Variants in PLA2G6 observed in about 807,000 individuals in gnomAD.
The protein encoded by PLA2G6 is phospholipase A2 group VI.
Under a neutral mutation model 83.8 loss-of-function variants are expected in PLA2G6, and 62 were observed. That is an observed-to-expected ratio of 0.74 (90% CI 0.60 to 0.91). PLA2G6 has a LOEUF of 0.91. Ranked by LOEUF, PLA2G6 falls within the 40% of genes least tolerant of loss-of-function variation. The pLI is 0.00. For missense variants in PLA2G6, 944 were observed against 1,102.0 expected, an observed-to-expected ratio of 0.86 and a Z score of 2.03; for synonymous variants, 417 against 449.8, an observed-to-expected ratio of 0.93 and a Z score of 0.92.
intron 6 of PLA2G6, 43 bp from the exon 7 acceptor site, chr22:38,133,056 A>T: frequency 6.6e-7 from 1 of 1,526,312 alleles, no homozygotes; most frequent in Non-Finnish European, 8.8e-7. Flanking sequence ...GCACTCGGGG[A>T]GCTGCCGCAC....
In PLA2G6 at chr22:38,128,129, G is replaced by T; in HGVS notation, c.1348+140C>A. The T allele has an allele frequency of 1.2e-6, 1 of 856,328 alleles. No individual in the cohort carries two copies. The highest frequency in any genetic ancestry group is 2.0e-5 in the Admixed American group (1 of 49,014). 53.0% of individuals were successfully genotyped at this position (856,328 alleles called of 1,614,324 possible). A position where few individuals can be genotyped will look rare whatever the true frequency, so the allele number is the denominator to read the frequency against. On this transcript the variant is annotated intron_variant, in intron 9 of 16. Coordinates refer to ENST00000332509, the MANE Select transcript of PLA2G6 (RefSeq NM_003560.4). This position sits in a 1 kb window ranked among gnomAD's most constrained non-coding sequence, Gnocchi z 4.4. ...ATCTGTGGGTTGCTGGCTGCCTAGA[G>T]GCTGACAACTCCGGCCCCATCCTCC...
At chr22:38,145,781 GCAAACA>G (rs1569278426) in intron 2 of PLA2G6, 128 bp from the exon 3 acceptor site, 2 of 353,302 alleles carry the variant, frequency 5.7e-6, no homozygotes, top group Non-Finnish European at 1.0e-5. Context: ...CCCCTCCCAA[GCAAACA>G]CACACACACA....
Position 38,145,643 on chromosome 22 carries a change from G to T in PLA2G6, c.220C>A (p.Leu74Met). ...NSQSGFRLFQ[L>M]ELEADALVNF... ...ACTAGGGCGTCAGCCTCCAACTCCA[G>T]CTGGAAGAGTCTGTAGAGCCAGGAC... is the stretch of plus-strand genomic sequence containing the variant. The change falls in exon 3 of 17, where the codon CTG becomes ATG. Residue 74 changes from leucine to methionine, a missense_variant. By Grantham distance (15) the Leu-to-Met change is conservative. Coordinates refer to ENST00000332509, the MANE Select transcript of PLA2G6 (RefSeq NM_003560.4). 6 of 1,611,312 alleles carry T rather than the reference G, an allele frequency of 3.7e-6. No homozygotes were observed. The highest frequency in any genetic ancestry group is 5.1e-6 in the Non-Finnish European group (6 of 1,178,468).
intron 2 of PLA2G6, among the ~76,000 whole-genome samples, chr22:38,153,198 G>A (rs113332263): frequency 6.6e-6 from 1 of 152,188 alleles, no homozygotes; most frequent in African/African-American, 2.4e-5. Flanking sequence ...TTGGGAGGCC[G>A]AGGTGCGTGG....
intron 5 of PLA2G6, chr22:38,137,408 C>G (rs1394870691): frequency 6.6e-6 from 1 of 152,530 alleles, no homozygotes; most frequent in Non-Finnish European, 1.5e-5. Context: ...TAGTGCAGCC[C>G]CCAGGCATCC....
intron 11 of PLA2G6, among the ~76,000 whole-genome samples, chr22:38,122,387 TC>T (rs2087575750): frequency 6.6e-6 from 1 of 151,964 alleles, no homozygotes; most frequent in South Asian, 2.1e-4. Context: ...GCAGTGCCCC[TC>T]CCCACCTGTC....
intron 9 of PLA2G6, chr22:38,127,340 G>C (rs2145742537): frequency 7.7e-7 from 1 of 1,299,998 alleles, no homozygotes; most frequent in South Asian, 1.2e-5. Flanking sequence ...GGACGGATTA[G>C]GGAGTGAGAG....
intron 14 of PLA2G6, among the ~76,000 whole-genome samples, chr22:38,114,212 G>A (rs546191634): frequency 3.4e-5 from 5 of 147,260 alleles, no homozygotes; most frequent in African/African-American, 5.1e-5. Context: ...ACGGAGTCTC[G>A]CTCTGTCTCC....
chr22:38,132,040 G>C lies in PLA2G6; in HGVS notation c.1077+791C>G. Reference sequence around the variant, plus strand: ...TGAGGCAGGAGAATCGCTTGAACCTGGGAGGCGGAGGTTGTGGTGAGCCGA... The same window carrying C: ...TGAGGCAGGAGAATCGCTTGAACCTCGGAGGCGGAGGTTGTGGTGAGCCGA... On this transcript the variant is annotated intron_variant, in intron 7 of 16. Coordinates refer to ENST00000332509, the MANE Select transcript of PLA2G6 (RefSeq NM_003560.4). This position sits in a 1 kb window ranked among gnomAD's most constrained non-coding sequence, Gnocchi z 5.0. The C allele has an allele frequency of 2.3e-6, 1 of 430,116 alleles. No individual in the cohort carries two copies. 26.6% of individuals were successfully genotyped at this position (430,116 alleles called of 1,614,324 possible). A position where few individuals can be genotyped will look rare whatever the true frequency, so the allele number is the denominator to read the frequency against.
At chr22:38,112,435 G>A (rs1218527191) in intron 16 of PLA2G6, 69 bp downstream of exon 16, 7 of 1,506,208 alleles carry the variant, frequency 4.6e-6, no homozygotes, top group Non-Finnish European at 6.3e-6. Context: ...CTAGGGCTGG[G>A]AGGGGAAGGT....
Position 38,132,967 on chromosome 22 carries a change from C to G in PLA2G6, c.941G>C (p.Ser314Thr). 1 of 1,565,700 alleles carries G rather than the reference C, an allele frequency of 6.4e-7. No individual in the cohort carries two copies. Among genetic ancestry groups the G allele is most frequent in the Non-Finnish European group, 8.7e-7 (1 of 1,155,584 alleles). Reference sequence around the variant, plus strand: ...GTGCAGGGCCGTGTTCCCCGCGGAGCTGGTGCTGTTCACGTTGCAGCCCCG... The same window carrying G: ...GTGCAGGGCCGTGTTCCCCGCGGAGGTGGTGCTGTTCACGTTGCAGCCCCG... ...LKRGCNVNST[S>T]SAGNTALHVA... Residue 314 changes from serine (S) to threonine (T), a missense_variant, in exon 7 of 17, where the codon AGC (serine) becomes ACC (threonine). Transcript: ENST00000332509. This position sits in a 1 kb window ranked among gnomAD's most constrained non-coding sequence, Gnocchi z 5.0.
intron 12 of PLA2G6, among the ~76,000 whole-genome samples, chr22:38,119,364 T>C (rs899373098): frequency 1.3e-5 from 2 of 152,096 alleles, no homozygotes; most frequent in South Asian, 4.1e-4. Context: ...CTGGGAAAAA[T>C]TGGCCAATCA....
At chr22:38,172,782 G>A (rs989665631) in intron 1 of PLA2G6, among the ~76,000 whole-genome samples, 6 of 152,222 alleles carry the variant, frequency 3.9e-5, no homozygotes, top group Non-Finnish European at 1.5e-5. Flanking sequence ...CACCAGGGGT[G>A]CAGTGAAATC....
chr22:38,180,046 C>A (rs909450385), intron 1 of PLA2G6, among the ~76,000 whole-genome samples: 3 of 152,030 alleles, frequency 2.0e-5, no homozygotes, highest in African/African-American at 7.3e-5. Flanking sequence ...GAGCCACCCT[C>A]TACAAAGTGA....
chr22:38,172,817 C>G (rs572290712), intron 1 of PLA2G6, among the ~76,000 whole-genome samples: 38 of 152,330 alleles, frequency 2.5e-4, no homozygotes, highest in African/African-American at 8.7e-4. Flanking sequence ...CACACCCCTT[C>G]GTCAATGGCC....
chr22:38,128,450 G>A lies in PLA2G6; in HGVS notation c.1187-20C>T. 1.2e-6 allele frequency: 2 copies of A among 1,613,498 alleles called. No homozygotes were observed. The highest frequency in any genetic ancestry group is 1.7e-6 in the Non-Finnish European group (2 of 1,179,646). ...TGACAACTTGTCATGGTTTGGGGAA[G>A]GGGAGATGGCACAGGATCAGAAATG... On this transcript the variant is annotated intron_variant, in intron 8 of 16. Transcript: ENST00000332509. This position sits in a 1 kb window ranked among gnomAD's most constrained non-coding sequence, Gnocchi z 4.4.
chr22:38,153,736 A>G lies in PLA2G6; in HGVS notation c.210-8083T>C, dbSNP rs116618686. Reference sequence around the variant, plus strand: ...TACACACAAAAAAGTACCTTCATAAAAAGCAAAAATCAGCCTAGGTACCAG... The same window carrying G: ...TACACACAAAAAAGTACCTTCATAAGAAGCAAAAATCAGCCTAGGTACCAG... On this transcript the variant is annotated intron_variant, in intron 2 of 16. Coordinates refer to ENST00000332509, the MANE Select transcript of PLA2G6 (RefSeq NM_003560.4). Among the ~76,000 whole-genome samples the G allele has an allele frequency of 5.3e-3, 805 of 152,300 alleles. 5 individuals carry two copies. The highest frequency in any genetic ancestry group is 0.018 in the African/African-American group (754 of 41,560).
intron 1 of PLA2G6, among the ~76,000 whole-genome samples, chr22:38,171,806 G>A (rs1246003060): frequency 6.7e-6 from 1 of 149,996 alleles, no homozygotes; most frequent in East Asian, 1.9e-4. Context: ...AGGTGACAGA[G>A]TGAAGACTCC....
intron 2 of PLA2G6, chr22:38,148,083 G>C (rs960891225): frequency 5.1e-6 from 1 of 197,470 alleles, no homozygotes; most frequent in Non-Finnish European, 1.1e-5. Context: ...AAGTGTTGCC[G>C]ATATGTCAGA....
Sources: gnomAD v4.1 joint callset for allele counts (sites outside exome capture counted in the v4.1 genomes callset) on GRCh38, gnomAD v4.1.1 for gene constraint, Gnocchi (gnomAD v3.1) non-coding constraint, MANE v1.5 for transcripts, NCBI Gene and HGNC (gene_info 2026-07-23, HGNC 2026-07-21) for gene names.